Variants in VPS13B observed in about 807,000 individuals in gnomAD.
The protein encoded by VPS13B is vacuolar protein sorting 13 homolog B.
A neutral mutation model predicts 426.4 loss-of-function variants in VPS13B; 285 were observed. The ratio of observed to expected loss-of-function variants is 0.67; its 90% CI spans 0.61 to 0.74. VPS13B has a LOEUF of 0.74. Among genes scored for constraint, VPS13B ranks in the 30% least tolerant of loss-of-function variants. The pLI, the probability that VPS13B is intolerant of heterozygous loss-of-function variation, is 0.00. For synonymous variants in VPS13B, 1,676 were observed against 1,676.4 expected, an observed-to-expected ratio of 1.00 and a Z score of 0.01; for missense variants, 4,537 against 4,782.6, an observed-to-expected ratio of 0.95 and a Z score of 1.51.
chr8:99,056,466 AAAAT>A (rs1237068595), intron 3 of VPS13B, among the ~76,000 whole-genome samples: 7 of 152,322 alleles, frequency 4.6e-5, no homozygotes, highest in Non-Finnish European at 1.0e-4. Flanking sequence ...ATGTTATCTG[AAAAT>A]ATATAGAGAT....
At chr8:99,069,544 A>ATG (rs1844744175) in intron 3 of VPS13B, among the ~76,000 whole-genome samples, 1 of 152,210 alleles carries the variant, frequency 6.6e-6, no homozygotes, top group East Asian at 1.9e-4. Flanking sequence ...GTGTATATAT[A>ATG]TGTGCACATA....
intron 25 of VPS13B, among the ~76,000 whole-genome samples, chr8:99,498,683 A>G (rs1821062736): frequency 1.3e-5 from 2 of 152,178 alleles, no homozygotes; most frequent in Admixed American, 6.6e-5. Context: ...TCATGCTGAC[A>G]TGTTGATGGG....
chr8:99,559,749 C>G (rs534130089), intron 31 of VPS13B, among the ~76,000 whole-genome samples: 225 of 152,246 alleles, frequency 1.5e-3, no homozygotes, highest in Non-Finnish European at 2.6e-3. Flanking sequence ...GGGCTCTATT[C>G]TGTTCCATTG....
At chr8:99,217,580 T>C (rs1815457054) in intron 17 of VPS13B, among the ~76,000 whole-genome samples, 1 of 152,346 alleles carries the variant, frequency 6.6e-6, no homozygotes, top group South Asian at 2.1e-4. Context: ...AGCTATATTA[T>C]ATATGGGTAT....
At chr8:99,681,222 C>T (rs939378143) in intron 35 of VPS13B, among the ~76,000 whole-genome samples, 2 of 152,156 alleles carry the variant, frequency 1.3e-5, no homozygotes, top group Admixed American at 6.6e-5. Flanking sequence ...GTGCGTGCCT[C>T]CTGTCTTTTG....
chr8:99,835,692 C>A lies in VPS13B; in HGVS notation c.9896C>A (p.Thr3299Lys), dbSNP rs1406317020. The A allele has an allele frequency of 1.2e-6, 2 of 1,614,046 alleles. No individual in the cohort carries two copies. The highest frequency in any genetic ancestry group is 2.7e-5 in the African/African-American group (2 of 74,916). The change falls in exon 54 of 62, where the codon ACA becomes AAA. Residue 3299 changes from threonine (T) to lysine (K), a missense_variant. By Grantham distance (78) the Thr-to-Lys change is moderately conservative. Around this residue, in one of 2 missense-constraint regions of VPS13B, gnomAD observed 4,311 missense variants for 4,474.3 expected, o/e 0.96. Coordinates refer to ENST00000357162, the MANE Select transcript of VPS13B (RefSeq NM_152564.5). ...LLRVEPLDEV[T>K]TEWSDAIDIN... ...AGAGTTGAACCTCTAGATGAAGTAA[C>A]AACTGAGTGGAGTGATGCCATTGAC...
At chr8:99,171,496 A>G (rs909330389) in intron 16 of VPS13B, among the ~76,000 whole-genome samples, 9 of 152,136 alleles carry the variant, frequency 5.9e-5, no homozygotes, top group Non-Finnish European at 1.3e-4. Flanking sequence ...ATTTTTCAAA[A>G]TGATTATAGC....
intron 19 of VPS13B, among the ~76,000 whole-genome samples, chr8:99,375,273 T>A (rs1184141436): frequency 6.6e-6 from 1 of 152,246 alleles, no homozygotes; most frequent in Non-Finnish European, 1.5e-5. Context: ...CCAAGAATTA[T>A]AGCCACTATT....
chr8:99,053,751 G>A (rs959256921), intron 3 of VPS13B, among the ~76,000 whole-genome samples: 5 of 147,702 alleles, frequency 3.4e-5, no homozygotes, highest in African/African-American at 1.3e-4. Flanking sequence ...CACCCAGGCT[G>A]GAGTGCAGCG....
chr8:99,640,047 AAG>A (rs1367941085), intron 33 of VPS13B, among the ~76,000 whole-genome samples: 1,759 of 78,652 alleles, frequency 0.022, 25 homozygotes, highest in African/African-American at 0.053. Context: ...GAAGAAGAAG[AAG>A]AGAAAAGAAA....
chr8:99,640,803 A>T (rs1369269665), intron 33 of VPS13B, among the ~76,000 whole-genome samples: 1 of 152,214 alleles, frequency 6.6e-6, no homozygotes, highest in Non-Finnish European at 1.5e-5. Flanking sequence ...AAAGGGATAC[A>T]AGTGAAGCAA....
At chr8:99,720,158 T>G (rs913108508) in intron 37 of VPS13B, among the ~76,000 whole-genome samples, 187 bp from the exon 38 acceptor site, 1 of 152,166 alleles carries the variant, frequency 6.6e-6, no homozygotes, top group Non-Finnish European at 1.5e-5. Context: ...ATTTTTTTGT[T>G]GTTATATATT....
At chr8:99,367,689 C>T (rs1266301017) in intron 19 of VPS13B, among the ~76,000 whole-genome samples, 2 of 152,132 alleles carry the variant, frequency 1.3e-5, no homozygotes, top group Non-Finnish European at 2.9e-5. Context: ...TTACTCTTCT[C>T]TTTTTTCTTT....
At chr8:99,363,887 A>G (rs1246442122) in intron 19 of VPS13B, among the ~76,000 whole-genome samples, 1 of 152,216 alleles carries the variant, frequency 6.6e-6, no homozygotes, top group South Asian at 2.1e-4. Context: ...GCTTTTCCAA[A>G]TATAAAATCA....
intron 4 of VPS13B, 135 bp downstream of exon 4, chr8:99,096,567 C>A (rs1036671423): frequency 9.7e-5 from 121 of 1,243,338 alleles, no homozygotes; most frequent in Non-Finnish European, 1.3e-4. Flanking sequence ...ACCAGCCTGG[C>A]CAACATGGTG....
At chr8:99,411,839 T>C (rs1261344037) in intron 21 of VPS13B, among the ~76,000 whole-genome samples, 1 of 152,192 alleles carries the variant, frequency 6.6e-6, no homozygotes, top group Non-Finnish European at 1.5e-5. Flanking sequence ...ATTGCTTTTT[T>C]TTCAGGTTTG....
chr8:99,496,807 T>C (rs189703797), intron 25 of VPS13B, among the ~76,000 whole-genome samples: 1 of 152,182 alleles, frequency 6.6e-6, no homozygotes, highest in Admixed American at 6.5e-5. Flanking sequence ...CAACATAAAA[T>C]CATATTTTGG....
At chr8:99,279,292 A>T (rs540219479) in intron 19 of VPS13B, among the ~76,000 whole-genome samples, 18 of 152,180 alleles carry the variant, frequency 1.2e-4, no homozygotes, top group South Asian at 6.2e-4. Context: ...CTTATTTTTT[A>T]TTATTATTAT....
At chr8:99,801,604 G>A (rs919088308) in intron 43 of VPS13B, among the ~76,000 whole-genome samples, 60 of 151,980 alleles carry the variant, frequency 3.9e-4, no homozygotes, top group African/African-American at 1.4e-3. Flanking sequence ...TTCTTATTTT[G>A]GGGAGTAAGT....
Sources: allele counts gnomAD v4.1 joint callset (sites outside exome capture counted in the v4.1 genomes callset), GRCh38; gene constraint gnomAD v4.1.1; regional missense constraint gnomAD v4.1.1; transcripts MANE v1.5; gene names NCBI Gene and HGNC (gene_info 2026-07-23, HGNC 2026-07-21).